The following TCF24 variants were observed in gnomAD, a reference collection of about 807,000 sequenced individuals.
TCF24 encodes the protein transcription factor 24.
In TCF24, 5 loss-of-function variants were observed where a neutral mutation model predicts 9.3. The observed-to-expected ratio is 0.54, with a 90% CI of 0.28 to 1.13. TCF24 has a LOEUF of 1.13. Ranked by LOEUF, TCF24 falls within the 50% of genes most tolerant of loss-of-function variation. TCF24 has a pLI of 0.09. For synonymous variants in TCF24, 110 were observed against 115.8 expected, an observed-to-expected ratio of 0.95 and a Z score of 0.32; for missense variants, 220 against 236.1, an observed-to-expected ratio of 0.93 and a Z score of 0.45.
intron 3 of TCF24, 70 bp from the exon 4 acceptor site, chr8:66,948,234 G>A: frequency 2.8e-6 from 3 of 1,064,214 alleles, no homozygotes; most frequent in Non-Finnish European, 3.9e-6. Flanking sequence ...GGTCTACAAT[G>A]TTAAAGATTG....
rs1813970961 is a variant in TCF24, at chr8:66,946,823, T to C, written c.*1228A>G. 1 of 152,206 alleles carries C rather than the reference T, an allele frequency of 6.6e-6. No individual in the cohort carries two copies. Among genetic ancestry groups the C allele is most frequent in the Non-Finnish European group, 1.5e-5 (1 of 68,034 alleles). 9.4% of individuals were successfully genotyped at this position (152,206 alleles called of 1,614,324 possible). On this transcript the variant is annotated 3_prime_UTR_variant, in exon 4 of 4. Transcript: ENST00000563496. ...TTCAACACATAGTTTTTTCCCCAGT[T>C]AAATGCTTTAAAAACTAGCCAAACT...
intron 3 of TCF24, among the ~76,000 whole-genome samples, chr8:66,957,921 AAAAGAATT>A (rs1260946005): frequency 6.6e-6 from 1 of 151,154 alleles, no homozygotes; most frequent in African/African-American, 2.4e-5. Context: ...AAAAAAAAAA[AAAAGAATT>A]GCTCTAAATC....
In TCF24 at chr8:66,961,643, G is replaced by GC. The variant is rs1317228074; in HGVS notation, c.122dup (p.Gly42ArgfsTer118). Reference sequence around the variant, plus strand: ...GCCGCCCGCTCCCGGAACGCGAGCCGCCCCCAGGGCCCGCCGGCCCCGGCC... The same window carrying GC: ...GCCGCCCGCTCCCGGAACGCGAGCCGCCCCCCAGGGCCCGCCGGCCCCGGCC... On this transcript the variant is annotated frameshift_variant, in exon 3 of 4. Transcript: ENST00000563496. LOFTEE classifies it high-confidence loss of function. The GC allele has an allele frequency of 6.8e-5, 82 of 1,212,998 alleles. No individual in the cohort carries two copies. The highest frequency in any genetic ancestry group is 8.4e-5 in the Non-Finnish European group (82 of 978,428). The allele number at this position is 1,212,998 out of a possible 1,614,324, so 75.1% of individuals were successfully genotyped here. A position where few individuals can be genotyped will look rare whatever the true frequency, so the allele number is the denominator to read the frequency against.
chr8:66,956,280 C>T (rs1814150445), intron 3 of TCF24, among the ~76,000 whole-genome samples: 1 of 151,692 alleles, frequency 6.6e-6, no homozygotes, highest in South Asian at 2.1e-4. Context: ...AAAAATAATA[C>T]ATATGCATTC....
intron 3 of TCF24, among the ~76,000 whole-genome samples, chr8:66,954,682 C>T (rs1230818717): frequency 6.6e-6 from 1 of 152,198 alleles, no homozygotes; most frequent in African/African-American, 2.4e-5. Context: ...GGCGGGCGCC[C>T]CTCCCCCAGC....
chr8:66,957,243 C>G (rs1814171887), intron 3 of TCF24, among the ~76,000 whole-genome samples: 1 of 151,180 alleles, frequency 6.6e-6, no homozygotes, highest in Admixed American at 6.6e-5. Context: ...ACGGTGAAAC[C>G]CTGTCTCTAC....
At chr8:66,953,357 C>G (rs1814088794) in intron 3 of TCF24, among the ~76,000 whole-genome samples, 1 of 150,156 alleles carries the variant, frequency 6.7e-6, no homozygotes, top group Non-Finnish European at 1.5e-5. Context: ...ACTTATGAAG[C>G]TTAGTTTGGC....
chr8:66,949,254 C>T (rs542434949), intron 3 of TCF24, among the ~76,000 whole-genome samples: 3 of 152,064 alleles, frequency 2.0e-5, no homozygotes, highest in Non-Finnish European at 4.4e-5. Context: ...TCCCTCCCCC[C>T]TCCTCCCACC....
At position 66,961,455 on chromosome 8, in the gene TCF24, C is replaced by T; in HGVS notation, c.311G>A (p.Ser104Asn). The T allele has an allele frequency of 6.5e-7, 1 of 1,528,362 alleles. No homozygotes were observed. The highest frequency in any genetic ancestry group is 8.7e-7 in the Non-Finnish European group (1 of 1,144,098). 94.7% of individuals were successfully genotyped at this position (1,528,362 alleles called of 1,614,324 possible). A position where few individuals can be genotyped will look rare whatever the true frequency, so the allele number is the denominator to read the frequency against. Reference protein sequence around the residue: ...ATTYIAHLTRSLQDDAEAPAD... With the variant: ...ATTYIAHLTRNLQDDAEAPAD... ...CGGCGCCTCGGCGTCGTCCTGCAGG[C>T]TGCGGGTGAGATGCGCGATGTAGGT... The change falls in exon 3 of 4, where the codon AGC becomes AAC. Residue 104 changes from serine (S) to asparagine (N), a missense_variant. Transcript: ENST00000563496.
chr8:66,958,388 A>G (rs1814197150), intron 3 of TCF24, among the ~76,000 whole-genome samples: 1 of 152,168 alleles, frequency 6.6e-6, no homozygotes, highest in Non-Finnish European at 1.5e-5. Context: ...CTAGAACTGA[A>G]CCTGAAACTG....
chr8:66,959,867 G>T (rs189524762), intron 3 of TCF24, among the ~76,000 whole-genome samples: 2 of 152,282 alleles, frequency 1.3e-5, no homozygotes, highest in East Asian at 3.9e-4. Flanking sequence ...TTTGGTACAT[G>T]AATCAAGTGC....
At chr8:66,958,106 G>T (rs1814192650) in intron 3 of TCF24, among the ~76,000 whole-genome samples, 1 of 151,924 alleles carries the variant, frequency 6.6e-6, no homozygotes, top group Non-Finnish European at 1.5e-5. Context: ...TTTCAAAAAG[G>T]CTTGTAATGA....
rs1474904335 is a variant in TCF24, at chr8:66,947,865, CTG to C, written c.*184_*185del. ...GTGACTCTCACACTGAACAGATAAG[CTG>C]TGTGTTTTATATAACACTGATTATT... is the stretch of plus-strand genomic sequence containing the variant. On this transcript the variant is annotated 3_prime_UTR_variant, in exon 4 of 4. Transcript: ENST00000563496. 4 of 483,978 alleles carry C rather than the reference CTG, an allele frequency of 8.3e-6. No homozygotes were observed. Among genetic ancestry groups the C allele is most frequent in the Non-Finnish European group, 1.5e-5 (4 of 275,262 alleles). The allele number at this position is 483,978 out of a possible 1,614,324, so 30.0% of individuals were successfully genotyped here. A position where few individuals can be genotyped will look rare whatever the true frequency, so the allele number is the denominator to read the frequency against.
At chr8:66,960,647 A>G (rs1477230149) in intron 3 of TCF24, among the ~76,000 whole-genome samples, 1 of 152,226 alleles carries the variant, frequency 6.6e-6, no homozygotes, top group Non-Finnish European at 1.5e-5. Context: ...AACTGTGACC[A>G]TTTTACCAAT....
rs1372310428 is a variant in TCF24, at chr8:66,947,363, T to G, written c.*688A>C. 1 of 152,228 alleles carries G rather than the reference T, an allele frequency of 6.6e-6. No homozygotes were observed. Among genetic ancestry groups the G allele is most frequent in the Admixed American group, 6.6e-5 (1 of 15,266 alleles). 9.4% of individuals were successfully genotyped at this position (152,228 alleles called of 1,614,324 possible). A position where few individuals can be genotyped will look rare whatever the true frequency, so the allele number is the denominator to read the frequency against. ...CAGGTGTGGTGACATGCACCTACAT[T>G]GTGAACTCTGCTGTCCGCTGACACC... On this transcript the variant is annotated 3_prime_UTR_variant, in exon 4 of 4. Transcript: ENST00000563496.
chr8:66,960,730 T>C (rs1563408259), intron 3 of TCF24, among the ~76,000 whole-genome samples: 1 of 152,212 alleles, frequency 6.6e-6, no homozygotes, highest in African/African-American at 2.4e-5. Flanking sequence ...AGTAATCAAT[T>C]CACTCAACAT....
intron 3 of TCF24, 137 bp from the exon 4 acceptor site, chr8:66,948,301 G>A (rs1813994386): frequency 7.2e-6 from 4 of 556,708 alleles, no homozygotes; most frequent in South Asian, 9.3e-5. Flanking sequence ...TAAGTATGAA[G>A]TATAAGAAAC....
At chr8:66,953,195 G>A (rs1814086153) in intron 3 of TCF24, among the ~76,000 whole-genome samples, 1 of 152,080 alleles carries the variant, frequency 6.6e-6, no homozygotes, top group Non-Finnish European at 1.5e-5. Context: ...TAGTCTCGAT[G>A]ATCTTTACAT....
chr8:66,956,865 TA>T (rs1350497026), intron 3 of TCF24, among the ~76,000 whole-genome samples: 1 of 151,646 alleles, frequency 6.6e-6, no homozygotes. Context: ...CTTTGGGAGG[TA>T]AAAAGAGTTA....
Sources: allele counts gnomAD v4.1 joint callset (sites outside exome capture counted in the v4.1 genomes callset), GRCh38; gene constraint gnomAD v4.1.1; transcripts MANE v1.5; gene names NCBI Gene and HGNC (gene_info 2026-07-23, HGNC 2026-07-21).